GRIK2: variants seen among roughly 807,000 people sequenced by gnomAD.
GRIK2 encodes glutamate ionotropic receptor kainate type subunit 2.
GRIK2 carries 32 observed loss-of-function variants against 100.3 expected under a neutral mutation model. The observed-to-expected ratio is 0.32, with a 90% CI of 0.24 to 0.43. The LOEUF (loss-of-function observed/expected upper bound fraction) is 0.43, where lower values mean the gene tolerates loss of function less well. Among genes scored for constraint, GRIK2 ranks in the 20% least tolerant of loss-of-function variants. GRIK2 has a pLI of 1.00. For missense variants in GRIK2, 843 were observed against 1,114.9 expected, an observed-to-expected ratio of 0.76 and a Z score of 3.47; for synonymous variants, 417 against 389.4, an observed-to-expected ratio of 1.07 and a Z score of -0.83.
Position 101,466,011 on chromosome 6 carries a change from C to T in GRIK2, c.115+66619C>T, listed in dbSNP as rs551974347. Among the ~76,000 whole-genome samples, 8 of 152,228 alleles carry T rather than the reference C, an allele frequency of 5.3e-5. No homozygotes were observed. In the South Asian group the frequency reaches 1.7e-3, roughly 32 times the overall value. On this transcript the variant is annotated intron_variant, in intron 2 of 16. Coordinates refer to ENST00000369134, the MANE Select transcript of GRIK2 (RefSeq NM_021956.5). ...AACAAGAACAACAATCAATCAAAGA[C>T]AGTTTTATTTAAGTCTTGGCCTCCA... is the stretch of plus-strand genomic sequence containing the variant.
chr6:102,046,093 A>G (rs531319027), intron 15 of GRIK2, among the ~76,000 whole-genome samples: 2 of 152,250 alleles, frequency 1.3e-5, no homozygotes, highest in East Asian at 3.9e-4. Context: ...GAGACAAAGA[A>G]GGTCATTATT....
intron 14 of GRIK2, among the ~76,000 whole-genome samples, chr6:101,988,437 T>A (rs1237395994): frequency 6.6e-6 from 1 of 151,924 alleles, no homozygotes; most frequent in South Asian, 2.1e-4. Context: ...AGCTCTAATT[T>A]TCTCTATAAA....
chr6:101,883,194 T>G (rs1053216487), intron 11 of GRIK2, among the ~76,000 whole-genome samples: 1 of 151,078 alleles, frequency 6.6e-6, no homozygotes, highest in African/African-American at 2.4e-5. Context: ...CTATGCGGTC[T>G]TTACAACAAA....
At chr6:101,581,939 T>G (rs191392217) in intron 2 of GRIK2, among the ~76,000 whole-genome samples, 2 of 152,190 alleles carry the variant, frequency 1.3e-5, no homozygotes, top group Admixed American at 1.3e-4. Context: ...CACCTTGAAT[T>G]ATAATAATCC....
At chr6:101,455,263 A>G (rs1770939653) in intron 2 of GRIK2, among the ~76,000 whole-genome samples, 1 of 152,030 alleles carries the variant, frequency 6.6e-6, no homozygotes, top group African/African-American at 2.4e-5. Flanking sequence ...ATGTGTTTTG[A>G]AATGTTGGTT....
chr6:102,023,967 T>C (rs145470923), intron 14 of GRIK2, among the ~76,000 whole-genome samples: 3 of 151,366 alleles, frequency 2.0e-5, no homozygotes, highest in African/African-American at 4.8e-5. Context: ...TCCAGTGGGA[T>C]TGGAAAATAT....
intron 2 of GRIK2, among the ~76,000 whole-genome samples, chr6:101,560,269 A>T (rs1225691107): frequency 6.6e-6 from 1 of 152,092 alleles, no homozygotes. Context: ...TTTTATCTTG[A>T]AAATATTTTT....
chr6:101,514,668 G>A (rs1373758391), intron 2 of GRIK2, among the ~76,000 whole-genome samples: 1 of 152,016 alleles, frequency 6.6e-6, no homozygotes, highest in African/African-American at 2.4e-5. Context: ...ATGAAAGAGT[G>A]AAAGTGGAAT....
intron 14 of GRIK2, among the ~76,000 whole-genome samples, chr6:101,956,263 G>C (rs1405411967): frequency 2.6e-5 from 4 of 151,974 alleles, no homozygotes; most frequent in Non-Finnish European, 5.9e-5. Context: ...ATTTCTATCA[G>C]AATTTTGGGA....
chr6:102,007,933 C>T (rs1174320383), intron 14 of GRIK2, among the ~76,000 whole-genome samples: 1 of 151,970 alleles, frequency 6.6e-6, no homozygotes, highest in Non-Finnish European at 1.5e-5. Flanking sequence ...GTTCCATTAA[C>T]ACATTATTAT....
chr6:101,645,176 A>C (rs1242858773), intron 4 of GRIK2, among the ~76,000 whole-genome samples: 3 of 151,760 alleles, frequency 2.0e-5, no homozygotes, highest in Non-Finnish European at 4.4e-5. Flanking sequence ...AAAAAAAAAA[A>C]CTAAAATCAA....
At chr6:101,996,990 GTTAT>G (rs1227395151) in intron 14 of GRIK2, among the ~76,000 whole-genome samples, 2 of 152,024 alleles carry the variant, frequency 1.3e-5, no homozygotes, top group African/African-American at 4.8e-5. Flanking sequence ...GATAACATCT[GTTAT>G]TTGAGTTGTT....
intron 14 of GRIK2, among the ~76,000 whole-genome samples, chr6:102,006,221 A>T (rs2114287572): frequency 6.6e-6 from 1 of 151,928 alleles, no homozygotes; most frequent in South Asian, 2.1e-4. Context: ...ATAAAAAATA[A>T]ATACTTTCAA....
intron 2 of GRIK2, among the ~76,000 whole-genome samples, chr6:101,582,191 G>T (rs1778135279): frequency 6.6e-6 from 1 of 152,016 alleles, no homozygotes; most frequent in African/African-American, 2.4e-5. Context: ...TCTACATCAG[G>T]TATTTCTCCT....
At chr6:101,879,032 G>A (rs1433292470) in intron 11 of GRIK2, among the ~76,000 whole-genome samples, 2 of 152,022 alleles carry the variant, frequency 1.3e-5, no homozygotes, top group African/African-American at 4.8e-5. Flanking sequence ...CAGGCTGATG[G>A]AGCCACTACC....
intron 2 of GRIK2, among the ~76,000 whole-genome samples, chr6:101,432,931 T>C (rs1398714983): frequency 6.6e-6 from 1 of 152,120 alleles, no homozygotes; most frequent in East Asian, 1.9e-4. Context: ...ATCTACCCCC[T>C]TTCCAGACTC....
rs116576085 is a variant in GRIK2, at chr6:101,853,119, C to T, written c.1318-6168C>T. Among the ~76,000 whole-genome samples the T allele has an allele frequency of 5.2e-3, 798 of 152,168 alleles. 6 individuals carry two copies. The highest frequency in any genetic ancestry group is 0.018 in the African/African-American group (751 of 41,516). ...CCAACATATACGGTTTTCTCCCAGA[C>T]GATATTACGATGTAGAAAGCAACCT... is the stretch of plus-strand genomic sequence containing the variant. On this transcript the variant is annotated intron_variant, in intron 10 of 16. Coordinates refer to ENST00000369134, the MANE Select transcript of GRIK2 (RefSeq NM_021956.5).
At chr6:101,634,182 A>G (rs769237094) in intron 4 of GRIK2, among the ~76,000 whole-genome samples, 8 of 152,128 alleles carry the variant, frequency 5.3e-5, no homozygotes, top group Non-Finnish European at 8.8e-5. Context: ...GACAGTTTCA[A>G]TTAAGAAGAT....
chr6:101,751,567 A>C (rs529983650), intron 7 of GRIK2, among the ~76,000 whole-genome samples: 21 of 152,286 alleles, frequency 1.4e-4, no homozygotes, highest in Admixed American at 1.3e-3. Flanking sequence ...TCAAATATAC[A>C]ATGATCTAAT....
Sources: gnomAD v4.1 joint callset for allele counts (sites outside exome capture counted in the v4.1 genomes callset) on GRCh38, gnomAD v4.1.1 for gene constraint, MANE v1.5 for transcripts, NCBI Gene and HGNC (gene_info 2026-07-23, HGNC 2026-07-21) for gene names.